CDH9: variants seen among roughly 807,000 people sequenced by gnomAD.
The protein encoded by CDH9 is cadherin 9.
CDH9 carries 28 observed loss-of-function variants against 70.9 expected under a neutral mutation model. That is an observed-to-expected ratio of 0.40 (90% CI 0.29 to 0.54). The LOEUF (loss-of-function observed/expected upper bound fraction) is 0.54. Ranked by LOEUF, CDH9 falls within the 20% of genes least tolerant of loss-of-function variation. The pLI, the probability that CDH9 is intolerant of heterozygous loss-of-function variation, is 0.59. For synonymous variants in CDH9, 409 were observed against 343.1 expected, an observed-to-expected ratio of 1.19 and a Z score of -2.12; for missense variants, 874 against 984.4, an observed-to-expected ratio of 0.89 and a Z score of 1.50.
intron 2 of CDH9, among the ~76,000 whole-genome samples, chr5:26,965,605 A>G (rs1036528953): frequency 8.0e-6 from 1 of 124,786 alleles, no homozygotes; most frequent in African/African-American, 3.2e-5. Flanking sequence ...ATAATAATAA[A>G]TATTTCTCTT....
chr5:27,030,006 C>T (rs1285111722), intron 1 of CDH9, among the ~76,000 whole-genome samples: 1 of 151,996 alleles, frequency 6.6e-6, no homozygotes, highest in Non-Finnish European at 1.5e-5. Flanking sequence ...CTCCACCTAC[C>T]TCCATTAAAG....
chr5:26,999,754 A>G (rs1010670974), intron 1 of CDH9, among the ~76,000 whole-genome samples: 1 of 152,184 alleles, frequency 6.6e-6, no homozygotes, highest in Non-Finnish European at 1.5e-5. Flanking sequence ...TCCTAGATAT[A>G]AATGTAAAAT....
chr5:27,034,042 G>A (rs1007106060), intron 1 of CDH9, among the ~76,000 whole-genome samples: 2 of 151,552 alleles, frequency 1.3e-5, no homozygotes, highest in African/African-American at 4.8e-5. Context: ...TGAGGAAAAA[G>A]CTTATTACAC....
At chr5:27,011,989 C>T (rs1742967199) in intron 1 of CDH9, among the ~76,000 whole-genome samples, 1 of 151,918 alleles carries the variant, frequency 6.6e-6, no homozygotes, top group Non-Finnish European at 1.5e-5. Context: ...TGACATATCA[C>T]TCTCTCTTTT....
At chr5:26,966,215 T>C (rs1742126735) in intron 2 of CDH9, among the ~76,000 whole-genome samples, 1 of 152,138 alleles carries the variant, frequency 6.6e-6, no homozygotes, top group Non-Finnish European at 1.5e-5. Flanking sequence ...TTGGGGCAGC[T>C]CTGTAAAGCA....
Position 26,915,936 on chromosome 5 carries a change from T to C in CDH9, c.229-12A>G. The stretch of plus-strand genomic sequence containing the variant: ...TGGTCAGTGTGAAGCTTTAGAGAGG[T>C]AGAAAAGAAGAGTTCTGTAAATATA... On this transcript the variant is annotated splice_polypyrimidine_tract_variant and intron_variant, in intron 2 of 11. Transcript: ENST00000231021. 1 of 1,563,556 alleles carries C rather than the reference T, an allele frequency of 6.4e-7. No homozygotes were observed. The highest frequency in any genetic ancestry group is 8.7e-7 in the Non-Finnish European group (1 of 1,151,198).
intron 2 of CDH9, among the ~76,000 whole-genome samples, chr5:26,919,624 A>G (rs1055439179): frequency 1.3e-5 from 2 of 152,114 alleles, no homozygotes; most frequent in African/African-American, 4.8e-5. Flanking sequence ...CCTCTCTCCC[A>G]ACCACCAACA....
At chr5:27,011,068 A>G (rs1742947212) in intron 1 of CDH9, among the ~76,000 whole-genome samples, 1 of 152,086 alleles carries the variant, frequency 6.6e-6, no homozygotes, top group African/African-American at 2.4e-5. Context: ...TTCAATGGGC[A>G]TAAAGAATTC....
intron 2 of CDH9, among the ~76,000 whole-genome samples, chr5:26,981,040 G>A (rs1487458579): frequency 6.6e-6 from 1 of 152,020 alleles, no homozygotes; most frequent in African/African-American, 2.4e-5. Flanking sequence ...AACGCCCCAT[G>A]TCGGTACATT....
chr5:26,932,128 AT>A (rs34399260), intron 2 of CDH9, among the ~76,000 whole-genome samples: 4 of 151,766 alleles, frequency 2.6e-5, no homozygotes, highest in African/African-American at 9.7e-5. Context: ...TTTGAATATC[AT>A]TTTTTTATTA....
intron 7 of CDH9, among the ~76,000 whole-genome samples, chr5:26,899,264 A>T (rs1245750786): frequency 5.9e-5 from 9 of 152,312 alleles, no homozygotes; most frequent in South Asian, 4.1e-4. Flanking sequence ...CAGTGTGGTG[A>T]TTCCTCAAGG....
At chr5:26,905,811 G>GTT (rs5866810) in intron 5 of CDH9, 148 bp downstream of exon 5, 8 of 541,392 alleles carry the variant, frequency 1.5e-5, no homozygotes, top group Middle Eastern at 2.9e-4. Flanking sequence ...GGGAAATTGT[G>GTT]TTTTTTTTTT....
intron 7 of CDH9, among the ~76,000 whole-genome samples, chr5:26,899,042 T>C (rs1740803608): frequency 6.6e-6 from 1 of 152,118 alleles, no homozygotes; most frequent in Admixed American, 6.6e-5. Flanking sequence ...AAAGAAGACA[T>C]TTATGCGGCC....
intron 2 of CDH9, among the ~76,000 whole-genome samples, chr5:26,971,923 T>G (rs1182396738): frequency 3.3e-5 from 5 of 152,230 alleles, no homozygotes; most frequent in Non-Finnish European, 5.9e-5. Flanking sequence ...CAACAGGATT[T>G]ACTATTCATA....
At chr5:27,025,059 T>G (rs1437586321) in intron 1 of CDH9, among the ~76,000 whole-genome samples, 1 of 152,154 alleles carries the variant, frequency 6.6e-6, no homozygotes, top group African/African-American at 2.4e-5. Flanking sequence ...TATTAATTTT[T>G]TTGTGATATA....
chr5:26,921,784 G>A lies in CDH9; in HGVS notation c.229-5860C>T, dbSNP rs528599578. 1.3e-3 allele frequency among the ~76,000 whole-genome samples: 204 copies of A among 152,116 alleles called. 1 individual carries two copies. The highest frequency in any genetic ancestry group is 6.8e-3 in the Middle Eastern group (2 of 294). On this transcript the variant is annotated intron_variant, in intron 2 of 11. Coordinates refer to ENST00000231021, the MANE Select transcript of CDH9 (RefSeq NM_016279.4). ...CTTCTTCCAAGTGAGTCTAAGAACC[G>A]AGGACTCCACACTTCCCGGTAACAT...
intron 3 of CDH9, among the ~76,000 whole-genome samples, chr5:26,912,535 T>C (rs1032239825): frequency 6.6e-6 from 1 of 151,072 alleles, no homozygotes; most frequent in Non-Finnish European, 1.5e-5. Context: ...TATATAGATA[T>C]GTATGTATTA....
chr5:26,903,568 T>C, intron 6 of CDH9, 69 bp downstream of exon 6: 2 of 1,005,540 alleles, frequency 2.0e-6, no homozygotes, highest in Non-Finnish European at 3.2e-6. Context: ...AGGCTTTTTT[T>C]CCCTTTACTG....
At chr5:26,946,026 C>T (rs1441417392) in intron 2 of CDH9, among the ~76,000 whole-genome samples, 1 of 152,026 alleles carries the variant, frequency 6.6e-6, no homozygotes, top group Non-Finnish European at 1.5e-5. Flanking sequence ...AGATTCATGG[C>T]TTAGGATTGC....
Sources: allele counts gnomAD v4.1 joint callset (sites outside exome capture counted in the v4.1 genomes callset), GRCh38; gene constraint gnomAD v4.1.1; transcripts MANE v1.5; gene names NCBI Gene and HGNC (gene_info 2026-07-23, HGNC 2026-07-21).